The following MYO18B variants were observed in gnomAD, a reference collection of about 807,000 sequenced individuals.
MYO18B encodes unconventional myosin-XVIIIb.
MYO18B carries 204 observed loss-of-function variants against 273.0 expected under a neutral mutation model. The observed-to-expected ratio is 0.75, with a 90% CI of 0.67 to 0.84. The LOEUF (loss-of-function observed/expected upper bound fraction) is 0.84, where lower values mean the gene tolerates loss of function less well. Among genes scored for constraint, MYO18B ranks in the 40% least tolerant of loss-of-function variants. MYO18B has a pLI of 0.00. For missense variants in MYO18B, 3,212 were observed against 3,287.6 expected, an observed-to-expected ratio of 0.98 and a Z score of 0.56; for synonymous variants, 1,330 against 1,305.7, an observed-to-expected ratio of 1.02 and a Z score of -0.40.
chr22:25,996,315 GT>G (rs1266404816), intron 40 of MYO18B, among the ~76,000 whole-genome samples: 118 of 152,278 alleles, frequency 7.7e-4, no homozygotes, highest in African/African-American at 2.6e-3. Context: ...ATTTGATAAA[GT>G]TTTACTGAGC....
At chr22:25,796,162 A>C (rs1291834637) in intron 11 of MYO18B, among the ~76,000 whole-genome samples, 1 of 152,172 alleles carries the variant, frequency 6.6e-6, no homozygotes, top group Non-Finnish European at 1.5e-5. Context: ...CCTTGGCCAG[A>C]TGGTGTGTGC....
chr22:25,888,243 T>C (rs2091559205), intron 25 of MYO18B, among the ~76,000 whole-genome samples: 1 of 152,178 alleles, frequency 6.6e-6, no homozygotes, highest in African/African-American at 2.4e-5. Context: ...TTTGGGGGTC[T>C]GAGAGTCCTA....
chr22:25,938,630 G>T (rs566253337), intron 34 of MYO18B, among the ~76,000 whole-genome samples: 1 of 152,358 alleles, frequency 6.6e-6, no homozygotes, highest in South Asian at 2.1e-4. Context: ...AATGTAGTGA[G>T]TGTTGAAGAA....
intron 18 of MYO18B, among the ~76,000 whole-genome samples, chr22:25,844,165 CT>C (rs1245137628): frequency 6.6e-6 from 1 of 152,152 alleles, no homozygotes; most frequent in Non-Finnish European, 1.5e-5. Flanking sequence ...GGCACTTTGC[CT>C]TTCATTAAGT....
At chr22:25,781,925 C>T in intron 10 of MYO18B, 91 bp downstream of exon 10, 1 of 855,806 alleles carries the variant, frequency 1.2e-6, no homozygotes, top group Non-Finnish European at 1.6e-6. Context: ...CTGCCCAGCA[C>T]TGAGAGGCCG....
At chr22:25,894,304 G>A (rs540221406) in intron 27 of MYO18B, among the ~76,000 whole-genome samples, 70 of 152,300 alleles carry the variant, frequency 4.6e-4, no homozygotes, top group Middle Eastern at 6.8e-3. Context: ...CTCAATGAGT[G>A]TGTGAATGGA....
intron 12 of MYO18B, among the ~76,000 whole-genome samples, chr22:25,819,078 C>A (rs1186991448): frequency 6.6e-6 from 1 of 152,058 alleles, no homozygotes; most frequent in Non-Finnish European, 1.5e-5. Flanking sequence ...TGGTCACTAC[C>A]CATGTCCAAG....
chr22:25,809,965 A>C (rs1239402905), intron 12 of MYO18B, among the ~76,000 whole-genome samples: 1 of 151,598 alleles, frequency 6.6e-6, no homozygotes, highest in Non-Finnish European at 1.5e-5. Flanking sequence ...TATGTCTATA[A>C]AAAATGGAAA....
At chr22:25,975,612 A>T (rs1350750312) in intron 39 of MYO18B, among the ~76,000 whole-genome samples, 5 of 152,378 alleles carry the variant, frequency 3.3e-5, no homozygotes, top group African/African-American at 1.2e-4. Context: ...CCAAGGCCAG[A>T]TAGCTAGGAA....
intron 29 of MYO18B, 101 bp from the exon 30 acceptor site, chr22:25,902,512 G>GC: frequency 1.5e-6 from 2 of 1,324,470 alleles, no homozygotes; most frequent in Admixed American, 5.5e-5. Flanking sequence ...AATGGTTCTT[G>GC]GGAAACTAGC....
intron 39 of MYO18B, among the ~76,000 whole-genome samples, chr22:25,962,381 A>G (rs1433805352): frequency 6.6e-6 from 1 of 152,230 alleles, no homozygotes; most frequent in Non-Finnish European, 1.5e-5. Context: ...TGCAACCTCC[A>G]TATCAGAGTC....
At chr22:25,954,783 C>T (rs779700334) in intron 38 of MYO18B, among the ~76,000 whole-genome samples, 4 of 152,194 alleles carry the variant, frequency 2.6e-5, no homozygotes, top group Non-Finnish European at 4.4e-5. Context: ...GTGATCTTGG[C>T]TCACTACAAC....
At chr22:25,784,141 G>T (rs1035836482) in intron 10 of MYO18B, among the ~76,000 whole-genome samples, 5 of 152,186 alleles carry the variant, frequency 3.3e-5, no homozygotes, top group Non-Finnish European at 7.3e-5. Context: ...ATGTGCTTCT[G>T]GTTCAAAAAC....
intron 1 of MYO18B, among the ~76,000 whole-genome samples, chr22:25,749,805 C>T (rs1349014657): frequency 2.0e-5 from 3 of 152,100 alleles, no homozygotes; most frequent in Admixed American, 1.3e-4. Flanking sequence ...CCAGTGGGGC[C>T]ATTTGAGGAG....
chr22:25,781,410 C>G (rs995463913), intron 9 of MYO18B, among the ~76,000 whole-genome samples: 6 of 151,992 alleles, frequency 3.9e-5, no homozygotes, highest in Non-Finnish European at 7.4e-5. Context: ...GAGATTGACA[C>G]TATCCTGGCT....
chr22:25,755,928 A>G (rs1213478460), intron 1 of MYO18B, among the ~76,000 whole-genome samples: 1 of 134,974 alleles, frequency 7.4e-6, no homozygotes, highest in East Asian at 2.1e-4. Flanking sequence ...CTTTCCCCCC[A>G]CCCCCGTTGC....
intron 1 of MYO18B, among the ~76,000 whole-genome samples, chr22:25,749,660 G>A (rs2085879192): frequency 6.6e-6 from 1 of 152,186 alleles, no homozygotes; most frequent in South Asian, 2.1e-4. Context: ...GTGGCCCTTG[G>A]AGAGGGCATG....
intron 35 of MYO18B, among the ~76,000 whole-genome samples, chr22:25,946,626 G>A (rs2092715745): frequency 6.6e-6 from 1 of 152,212 alleles, no homozygotes; most frequent in Non-Finnish European, 1.5e-5. Context: ...TGCATCTGAT[G>A]TGAGCTTGTT....
intron 19 of MYO18B, 82 bp downstream of exon 19, chr22:25,846,365 A>G (rs111330755): frequency 6.7e-7 from 1 of 1,487,510 alleles, no homozygotes; most frequent in African/African-American, 1.4e-5. Context: ...ATGTGCCTAC[A>G]TCATCTCTAA....
Sources: gnomAD v4.1 joint callset for allele counts (sites outside exome capture counted in the v4.1 genomes callset) on GRCh38, gnomAD v4.1.1 for gene constraint, MANE v1.5 for transcripts, NCBI Gene and HGNC (gene_info 2026-07-23, HGNC 2026-07-21) for gene names.